The following ATF6 variants were observed in gnomAD, a reference collection of about 807,000 sequenced individuals.
ATF6 encodes cyclic AMP-dependent transcription factor ATF-6 alpha.
ATF6 carries 53 observed loss-of-function variants against 83.6 expected under a neutral mutation model. The ratio of observed to expected loss-of-function variants is 0.63; its 90% CI spans 0.51 to 0.80. The LOEUF (loss-of-function observed/expected upper bound fraction) is 0.80, where lower values mean the gene tolerates loss of function less well. ATF6 is among the 30% of genes least tolerant of loss of function. The pLI is 0.00. For synonymous variants in ATF6, 288 were observed against 285.8 expected (o/e 1.01, Z -0.08); for missense variants, 744 against 797.9 (o/e 0.93, Z 0.81).
chr1:161,891,106 T>C (rs369050936), intron 14 of ATF6: 16 of 152,266 alleles, frequency 1.1e-4, no homozygotes, highest in Admixed American at 6.5e-4. Flanking sequence ...CTGTCCAGAA[T>C]CCATTCGGTG....
chr1:161,916,687 A>G (rs916071548), intron 15 of ATF6, among the ~76,000 whole-genome samples: 1 of 152,290 alleles, frequency 6.6e-6, no homozygotes, highest in African/African-American at 2.4e-5. Flanking sequence ...TAATCTAGAA[A>G]AGCTCCTATC....
chr1:161,782,807 AAAT>A (rs1684668083), intron 3 of ATF6, among the ~76,000 whole-genome samples: 1 of 151,710 alleles, frequency 6.6e-6, no homozygotes, highest in African/African-American at 2.4e-5. Context: ...TTGACAAACT[AAAT>A]CTTAGTTGCT....
chr1:161,772,907 T>A (rs1008632358), intron 1 of ATF6, among the ~76,000 whole-genome samples: 3 of 151,882 alleles, frequency 2.0e-5, no homozygotes, highest in African/African-American at 7.2e-5. Context: ...GTTTTTTATT[T>A]CTCCTTGTCT....
intron 9 of ATF6, among the ~76,000 whole-genome samples, chr1:161,821,456 C>T (rs1403479982): frequency 6.6e-6 from 1 of 152,002 alleles, no homozygotes; most frequent in Non-Finnish European, 1.5e-5. Context: ...GATGGGTACT[C>T]GATACATTTT....
intron 4 of ATF6, among the ~76,000 whole-genome samples, chr1:161,789,458 G>C (rs1300834539): frequency 1.3e-5 from 2 of 150,452 alleles, no homozygotes; most frequent in African/African-American, 4.9e-5. Flanking sequence ...TTTTTATTAT[G>C]TTTTCTAAGT....
chr1:161,825,886 T>C (rs1461922233), intron 9 of ATF6, among the ~76,000 whole-genome samples: 1 of 152,128 alleles, frequency 6.6e-6, no homozygotes, highest in Non-Finnish European at 1.5e-5. Flanking sequence ...TTGGTTTCTC[T>C]GGCAATCAGC....
chr1:161,922,568 A>C (rs1354078786), intron 15 of ATF6, among the ~76,000 whole-genome samples: 1 of 152,052 alleles, frequency 6.6e-6, no homozygotes, highest in Admixed American at 6.6e-5. Flanking sequence ...CCCTTCATGA[A>C]ATATGGTGGG....
intron 11 of ATF6, among the ~76,000 whole-genome samples, chr1:161,852,437 G>A (rs972544299): frequency 4.6e-5 from 7 of 151,838 alleles, no homozygotes; most frequent in African/African-American, 1.5e-4. Context: ...TTTACCCCAG[G>A]CAATTGAGTT....
chr1:161,880,346 G>C (rs994179527), intron 14 of ATF6, among the ~76,000 whole-genome samples: 2 of 151,896 alleles, frequency 1.3e-5, no homozygotes, highest in Non-Finnish European at 2.9e-5. Context: ...GTGTGTGTGT[G>C]TGTGTATATA....
chr1:161,920,278 T>C (rs569527056), intron 15 of ATF6, among the ~76,000 whole-genome samples: 15 of 117,016 alleles, frequency 1.3e-4, no homozygotes, highest in East Asian at 4.6e-4. Flanking sequence ...ATAGTTCTCT[T>C]TCTCTCTCTC....
At chr1:161,881,921 T>C (rs1687333233) in intron 14 of ATF6, among the ~76,000 whole-genome samples, 1 of 152,138 alleles carries the variant, frequency 6.6e-6, no homozygotes, top group Admixed American at 6.5e-5. Flanking sequence ...TACATTTAGG[T>C]GTATGATCCA....
At position 161,873,892 on chromosome 1, in the gene ATF6, TGAAC is replaced by T. The variant is rs541749822; in HGVS notation, c.1719+10581_1719+10584del. 4.9e-3 allele frequency among the ~76,000 whole-genome samples: 741 copies of T among 151,616 alleles called. 5 individuals are homozygous for T. The highest frequency in any genetic ancestry group is 6.4e-3 in the Non-Finnish European group (435 of 67,548). On this transcript the variant is annotated intron_variant, in intron 14 of 15. Coordinates refer to ENST00000367942, the MANE Select transcript of ATF6 (RefSeq NM_007348.4). Reference sequence around the variant, plus strand: ...ATTCAATAAACATTGAATGAATAAATGAACAAATTAATTAGATACCAAATCCATC... The same window carrying T: ...ATTCAATAAACATTGAATGAATAAATAAATTAATTAGATACCAAATCCATC...
intron 1 of ATF6, among the ~76,000 whole-genome samples, chr1:161,767,670 G>C: frequency 6.6e-6 from 1 of 152,172 alleles, no homozygotes; most frequent in South Asian, 2.1e-4. Flanking sequence ...AGAAGGATCA[G>C]ACCAGGTTTT....
intron 14 of ATF6, among the ~76,000 whole-genome samples, chr1:161,888,777 C>T (rs1169743258): frequency 6.6e-6 from 1 of 152,150 alleles, no homozygotes; most frequent in Non-Finnish European, 1.5e-5. Flanking sequence ...TATCATCCAT[C>T]ATGTATTTTT....
chr1:161,905,839 TG>T (rs1188690639), intron 14 of ATF6, among the ~76,000 whole-genome samples: 1 of 152,076 alleles, frequency 6.6e-6, no homozygotes, highest in Non-Finnish European at 1.5e-5. Context: ...TTTTGTTTTT[TG>T]TTTTTTTTTG....
At chr1:161,815,097 A>G (rs950669580) in intron 7 of ATF6, among the ~76,000 whole-genome samples, 1 of 151,568 alleles carries the variant, frequency 6.6e-6, no homozygotes, top group African/African-American at 2.4e-5. Flanking sequence ...TTACCATGTG[A>G]TTCATCCATA....
At chr1:161,792,925 C>T (rs1359481792) in intron 6 of ATF6, among the ~76,000 whole-genome samples, 1 of 152,126 alleles carries the variant, frequency 6.6e-6, no homozygotes, top group Admixed American at 6.5e-5. Context: ...GGATTTGGTA[C>T]TATTCAGATA....
At position 161,819,549 on chromosome 1, in the gene ATF6, A is replaced by G. The variant is rs1236665938; in HGVS notation, c.910-84A>G. On this transcript the variant is annotated intron_variant, in intron 7 of 15. Coordinates refer to ENST00000367942, the MANE Select transcript of ATF6 (RefSeq NM_007348.4). ...TGCTTTGAAAAAATTGTTGGTTAAA[A>G]TAATTGTAAAAATGAGTATATTCTG... 3.5e-6 allele frequency: 4 copies of G among 1,149,354 alleles called. No homozygotes were observed. The East Asian group carries it at 8.5e-5, about 24-fold the overall frequency. 71.2% of individuals were successfully genotyped at this position (1,149,354 alleles called of 1,614,324 possible).
At chr1:161,876,616 G>A (rs1239682343) in intron 14 of ATF6, among the ~76,000 whole-genome samples, 1 of 151,750 alleles carries the variant, frequency 6.6e-6, no homozygotes, top group Non-Finnish European at 1.5e-5. Context: ...CAACTTAATT[G>A]GCACCATTAT....
Sources: gnomAD v4.1 joint callset for allele counts (sites outside exome capture counted in the v4.1 genomes callset) on GRCh38, gnomAD v4.1.1 for gene constraint, MANE v1.5 for transcripts, NCBI Gene and HGNC (gene_info 2026-07-23, HGNC 2026-07-21) for gene names.